The following EPG5 variants were observed in gnomAD, a reference collection of about 807,000 sequenced individuals.
EPG5 encodes ectopic P granules protein 5 homolog.
In EPG5, 159 loss-of-function variants were observed where a neutral mutation model predicts 302.7. That is an observed-to-expected ratio of 0.53 (90% CI 0.46 to 0.60). The LOEUF is 0.60. EPG5 is among the 20% of genes least tolerant of loss of function. EPG5 has a pLI of 0.00. For missense variants in EPG5, 2,896 were observed against 3,092.4 expected, an observed-to-expected ratio of 0.94 and a Z score of 1.51; for synonymous variants, 1,158 against 1,136.8, an observed-to-expected ratio of 1.02 and a Z score of -0.37.
In EPG5 at chr18:45,922,429, G is replaced by A. The variant is rs1309491550; in HGVS notation, c.3010C>T (p.Pro1004Ser). ...SVTVPDMTESPTFHPLLKAVK... is the reference protein window; with the variant it reads ...SVTVPDMTESSTFHPLLKAVK... The stretch of plus-strand genomic sequence containing the variant: ...GCCTTCAAGAGAGGATGAAACGTGG[G>A]TGACTCTGTCATGTCAGGCACAGTG... The change falls in exon 16 of 44, where the codon CCC becomes TCC. Residue 1004 changes from proline (P) to serine (S), a missense_variant. By Grantham distance (74) the Pro-to-Ser change is moderately conservative (BLOSUM62 -1). Around this residue, in one of 5 missense-constraint regions of EPG5, gnomAD observed 1,390 missense variants for 1,430.0 expected, o/e 0.97. Coordinates refer to ENST00000282041, the MANE Select transcript of EPG5 (RefSeq NM_020964.3). 5 of 1,614,094 alleles carry A rather than the reference G, an allele frequency of 3.1e-6. No individual in the cohort carries two copies. The highest frequency in any genetic ancestry group is 2.2e-5 in the East Asian group (1 of 44,900).
intron 5 of EPG5, 119 bp from the exon 6 acceptor site, chr18:45,948,695 C>T: frequency 1.4e-6 from 1 of 733,738 alleles, no homozygotes; most frequent in Middle Eastern, 3.5e-4. Flanking sequence ...GAAACTGGTA[C>T]CTAATACACA....
intron 31 of EPG5, among the ~76,000 whole-genome samples, chr18:45,880,645 G>A (rs2049076980): frequency 6.6e-6 from 1 of 152,182 alleles, no homozygotes; most frequent in Non-Finnish European, 1.5e-5. Flanking sequence ...TCCAGAAGGA[G>A]TCTCCTACCG....
chr18:45,825,485 T>C, the EPG5 span: 1 of 560,588 alleles, frequency 1.8e-6, no homozygotes, highest in Middle Eastern at 4.7e-4. Flanking sequence ...TGGAAAATCA[T>C]CCCAGTGATT....
chr18:45,802,929 G>T, the EPG5 span, among the ~76,000 whole-genome samples: 2 of 152,256 alleles, frequency 1.3e-5, no homozygotes, highest in East Asian at 3.9e-4. Context: ...CCTTCCCCCA[G>T]TCTCTTAAGG....
In EPG5 at chr18:45,912,534, C is replaced by T; in HGVS notation, c.3817-78G>A. 2.3e-6 allele frequency: 3 copies of T among 1,314,408 alleles called. No individual in the cohort carries two copies. In the South Asian group the frequency reaches 4.3e-5, roughly 19 times the overall value. 81.4% of individuals were successfully genotyped at this position (1,314,408 alleles called of 1,614,324 possible). ...GGTTAACTCTTTCTAAGTGATCCAA[C>T]TGAAACACCAAACATTCTGTTTTCA... On this transcript the variant is annotated intron_variant, in intron 21 of 43. Coordinates refer to ENST00000282041, the MANE Select transcript of EPG5 (RefSeq NM_020964.3).
chr18:45,942,638 T>C (rs1287348770), intron 9 of EPG5, among the ~76,000 whole-genome samples: 2 of 152,088 alleles, frequency 1.3e-5, no homozygotes, highest in African/African-American at 4.8e-5. Context: ...GAATTAAAAG[T>C]AATTTTGTTT....
intron 13 of EPG5, 108 bp from the exon 14 acceptor site, chr18:45,926,010 A>G: frequency 1.4e-6 from 1 of 693,586 alleles, no homozygotes. Flanking sequence ...TCCAAAAGGA[A>G]CTGGAGTTTT....
Position 45,887,836 on chromosome 18 carries a change from G to C in EPG5, c.5024C>G (p.Thr1675Ser). Residue 1675 changes from threonine to serine, a missense_variant, in exon 29 of 44, where the codon ACT (threonine) becomes AGT (serine). Physicochemically the swap from Thr to Ser is moderately conservative, Grantham distance 58. Transcript: ENST00000282041. Reference sequence around the variant, plus strand: ...CTCATCGCTGACGTAATCCACAATAGTAAAGAAAAGGCTAATGCCAACTTT... The same window carrying C: ...CTCATCGCTGACGTAATCCACAATACTAAAGAAAAGGCTAATGCCAACTTT... ...IQKVGISLFF[T>S]IVDYVSDETQ... is the part of the protein sequence containing the mutation. 6.2e-7 allele frequency: 1 copy of C among 1,605,382 alleles called. No homozygotes were observed. The highest frequency in any genetic ancestry group is 8.5e-7 in the Non-Finnish European group (1 of 1,173,356).
Position 45,952,533 on chromosome 18 carries a change from C to G in EPG5, c.1119G>C (p.Glu373Asp). 6.2e-7 allele frequency: 1 copy of G among 1,614,138 alleles called. No individual in the cohort carries two copies. The highest frequency in any genetic ancestry group is 8.5e-7 in the Non-Finnish European group (1 of 1,180,010). ...ELKKLFDAKS[E>D]HLHQTLALHS... is the part of the protein sequence containing the mutation. ...GAAGGGCCAGGGTCTGGTGGAGGTG[C>G]TCAGATTTGGCATCGAATAGCTTCT... The change falls in exon 3 of 44, where the codon GAG becomes GAC. Residue 373 changes from glutamate to aspartate, a missense_variant. This residue lies in a region of EPG5 where 1,390 missense variants were observed against 1,430.0 expected (regional missense o/e 0.97). Coordinates refer to ENST00000282041, the MANE Select transcript of EPG5 (RefSeq NM_020964.3).
downstream of EPG5, among the ~76,000 whole-genome samples, chr18:45,846,094 T>C (rs983782498): frequency 6.6e-6 from 1 of 152,142 alleles, no homozygotes; most frequent in Non-Finnish European, 1.5e-5. Context: ...AGCCTCAGGC[T>C]GGAAGGCTCT....
At chr18:45,953,249 T>C in intron 2 of EPG5, 1 of 968,804 alleles carries the variant, frequency 1.0e-6, no homozygotes, top group Non-Finnish European at 1.2e-6. Flanking sequence ...TGATTGATGA[T>C]CTTACCTTCT....
In EPG5 at chr18:45,954,377, G is replaced by A. The variant is rs1277379386; in HGVS notation, c.1008+17C>T. 1 of 1,565,282 alleles carries A rather than the reference G, an allele frequency of 6.4e-7. No individual in the cohort carries two copies. The highest frequency in any genetic ancestry group is 2.2e-5 in the East Asian group (1 of 44,598). On this transcript the variant is annotated intron_variant, in intron 2 of 43. Coordinates refer to ENST00000282041, the MANE Select transcript of EPG5 (RefSeq NM_020964.3). ...AGCAGCTCCGCTGCAAATTCCCCAG[G>A]CTTCTGATCAAAATACCTGTACAGA...
chr18:45,952,310 C>A (rs1354373182), intron 3 of EPG5, 90 bp downstream of exon 3: 2 of 1,464,888 alleles, frequency 1.4e-6, no homozygotes, highest in Non-Finnish European at 1.8e-6. Context: ...CTTGTAAGAC[C>A]AATTACTATA....
chr18:45,873,125 T>G (rs1227808989), intron 35 of EPG5, among the ~76,000 whole-genome samples: 1 of 152,234 alleles, frequency 6.6e-6, no homozygotes, highest in African/African-American at 2.4e-5. Flanking sequence ...CTACCAAGTC[T>G]TGATGTCTGT....
At chr18:45,845,212 G>C (rs952264556), downstream of EPG5, among the ~76,000 whole-genome samples, 3 of 152,220 alleles carry the variant, frequency 2.0e-5, no homozygotes, top group African/African-American at 4.8e-5. Context: ...CCCTTCTGCG[G>C]TACTTGCATT....
the EPG5 span, chr18:45,841,968 C>T: frequency 2.5e-6 from 2 of 784,816 alleles, no homozygotes; most frequent in African/African-American, 1.7e-5. Flanking sequence ...CGATGCCATT[C>T]ATCTCTGAGC....
Position 45,852,507 on chromosome 18 carries a change from C to T in EPG5, c.7700G>A (p.Cys2567Tyr), listed in dbSNP as rs752752046. The T allele has an allele frequency of 6.2e-7, 1 of 1,614,082 alleles. No homozygotes were observed. Among genetic ancestry groups the T allele is most frequent in the East Asian group, 2.2e-5 (1 of 44,890 alleles). The change falls in exon 44 of 44, where the codon TGT (cysteine) becomes TAT (tyrosine). Residue 2567 changes from cysteine (C) to tyrosine (Y), a missense_variant. This residue lies in a region of EPG5 where 620 missense variants were observed against 704.2 expected (regional missense o/e 0.88). Coordinates refer to ENST00000282041, the MANE Select transcript of EPG5 (RefSeq NM_020964.3). ...GKSFLALLVN[C>Y]LYPEVHYLDH... ...CAAATAATGCACTTCTGGATACAGA[C>T]AGTTAACGAGAAGAGCCAAGAAGCT...
chr18:45,888,676 G>A (rs1020978637), intron 28 of EPG5, among the ~76,000 whole-genome samples: 7 of 152,140 alleles, frequency 4.6e-5, no homozygotes, highest in African/African-American at 1.4e-4. Flanking sequence ...CTGACCTCAA[G>A]TGATCCGCCC....
chr18:45,910,467 G>C, intron 23 of EPG5, 54 bp downstream of exon 23: 1 of 1,353,432 alleles, frequency 7.4e-7, no homozygotes, highest in African/African-American at 1.5e-5. Flanking sequence ...AACTGCTCCA[G>C]CATAGTACCT....
Sources: gnomAD v4.1 joint callset for allele counts (sites outside exome capture counted in the v4.1 genomes callset) on GRCh38, gnomAD v4.1.1 for gene constraint, gnomAD v4.1.1 regional missense constraint, MANE v1.5 for transcripts, NCBI Gene and HGNC (gene_info 2026-07-23, HGNC 2026-07-21) for gene names.